The following PTPRM variants were observed in gnomAD, a reference collection of about 807,000 sequenced individuals.
The protein encoded by PTPRM is receptor-type tyrosine-protein phosphatase mu.
In PTPRM, 47 loss-of-function variants were observed where a neutral mutation model predicts 186.7. The observed-to-expected ratio is 0.25, with a 90% confidence interval of 0.20 to 0.32. The LOEUF is 0.32. PTPRM is among the 10% of genes least tolerant of loss of function. The probability of loss-of-function intolerance (pLI) is 1.00; values close to 1 mark genes in which losing one functional copy is unlikely to be tolerated. For missense variants in PTPRM, 1,494 were observed against 1,865.0 expected (o/e 0.80, Z 3.66); for synonymous variants, 668 against 674.9 (o/e 0.99, Z 0.16).
intron 14 of PTPRM, among the ~76,000 whole-genome samples, chr18:8,156,579 T>C (rs2093126218): frequency 6.6e-6 from 1 of 152,182 alleles, no homozygotes. Context: ...CCAGGGCACG[T>C]AGGTAGTCCG....
At chr18:8,356,387 G>A (rs2095563381) in intron 23 of PTPRM, among the ~76,000 whole-genome samples, 1 of 152,218 alleles carries the variant, frequency 6.6e-6, no homozygotes, top group African/African-American at 2.4e-5. Context: ...CAGGGAGCCA[G>A]GAGGGAAGGG....
chr18:7,840,287 C>T (rs1372260072), intron 2 of PTPRM, among the ~76,000 whole-genome samples: 3 of 152,180 alleles, frequency 2.0e-5, no homozygotes, highest in Admixed American at 1.3e-4. Flanking sequence ...GACCATCCTT[C>T]TCTGCCCCCT....
intron 2 of PTPRM, among the ~76,000 whole-genome samples, chr18:7,879,135 T>C (rs2048376158): frequency 6.6e-6 from 1 of 152,246 alleles, no homozygotes; most frequent in Non-Finnish European, 1.5e-5. Context: ...AATTTAGTTC[T>C]CATTAAAGCT....
At chr18:7,884,924 C>CAAAAAAA (rs56724615) in intron 2 of PTPRM, among the ~76,000 whole-genome samples, 8 of 37,844 alleles carry the variant, frequency 2.1e-4, no homozygotes, top group African/African-American at 2.6e-4. Flanking sequence ...AGCTCCATCT[C>CAAAAAAA]AAAAAAAAAA....
intron 14 of PTPRM, among the ~76,000 whole-genome samples, chr18:8,176,155 C>A (rs1432831252): frequency 6.6e-6 from 1 of 152,080 alleles, no homozygotes; most frequent in Non-Finnish European, 1.5e-5. Context: ...AGGGAAAATT[C>A]ATCCAGTATT....
intron 9 of PTPRM, among the ~76,000 whole-genome samples, chr18:8,079,581 A>G (rs978335430): frequency 6.6e-6 from 1 of 152,078 alleles, no homozygotes; most frequent in Admixed American, 6.6e-5. Flanking sequence ...ATATTATCAA[A>G]CCCAGCATTT....
intron 14 of PTPRM, among the ~76,000 whole-genome samples, chr18:8,227,217 T>C (rs2094224503): frequency 6.6e-6 from 1 of 152,200 alleles, no homozygotes; most frequent in African/African-American, 2.4e-5. Context: ...GATTAGTAGG[T>C]GGATGCCTTC....
intron 23 of PTPRM, 90 bp downstream of exon 23, chr18:8,343,610 A>T: frequency 1.2e-5 from 13 of 1,125,126 alleles, no homozygotes; most frequent in Non-Finnish European, 1.7e-5. Flanking sequence ...TTGAACTATT[A>T]TGTGTACTCC....
chr18:7,634,444 A>G (rs976873210), intron 1 of PTPRM, among the ~76,000 whole-genome samples: 1 of 152,202 alleles, frequency 6.6e-6, no homozygotes, highest in Admixed American at 6.5e-5. Flanking sequence ...CAGTTATACC[A>G]TGGCTATGTC....
rs536967183 is a variant in PTPRM, at chr18:7,952,099, C to G, written c.838+2744C>G. Among the ~76,000 whole-genome samples the G allele has an allele frequency of 3.3e-5, 5 of 152,268 alleles. No homozygotes were observed. The South Asian group carries it at 1.0e-3, about 32-fold the overall frequency. ...TGCATGTATATATGCATATATATATCAATACCCTATTTAGTTACGTTTCTA... is the reference window on the plus strand; with the variant it reads ...TGCATGTATATATGCATATATATATGAATACCCTATTTAGTTACGTTTCTA... On this transcript the variant is annotated intron_variant, in intron 6 of 32. Coordinates refer to ENST00000580170, the MANE Select transcript of PTPRM (RefSeq NM_001105244.2).
chr18:8,058,918 G>A (rs2088241784), intron 7 of PTPRM, among the ~76,000 whole-genome samples: 1 of 79,182 alleles, frequency 1.3e-5, no homozygotes, highest in South Asian at 4.5e-4. Context: ...TTTTGGCTTA[G>A]GATTGACTTG....
At chr18:7,858,280 G>A (rs146307958) in intron 2 of PTPRM, among the ~76,000 whole-genome samples, 1 of 152,276 alleles carries the variant, frequency 6.6e-6, no homozygotes, top group East Asian at 1.9e-4. Context: ...TTCTGGGCTG[G>A]GTAAGGTGGC....
intron 1 of PTPRM, among the ~76,000 whole-genome samples, chr18:7,719,825 C>T (rs181664753): frequency 4.0e-4 from 61 of 152,218 alleles, no homozygotes; most frequent in African/African-American, 1.4e-3. Context: ...ACAGATGATA[C>T]TAGAAAATCC....
At chr18:7,897,005 G>A (rs777910675) in intron 3 of PTPRM, among the ~76,000 whole-genome samples, 14 of 152,182 alleles carry the variant, frequency 9.2e-5, no homozygotes, top group Non-Finnish European at 1.5e-4. Context: ...CAGCAGGCCC[G>A]CATACATTTG....
At chr18:7,945,205 G>C (rs1405572895) in intron 5 of PTPRM, among the ~76,000 whole-genome samples, 4 of 151,536 alleles carry the variant, frequency 2.6e-5, no homozygotes, top group African/African-American at 9.7e-5. Flanking sequence ...TGTAATCCCA[G>C]CACTTTGGGA....
intron 14 of PTPRM, among the ~76,000 whole-genome samples, chr18:8,178,923 G>A (rs1041321129): frequency 1.3e-5 from 2 of 152,174 alleles, no homozygotes; most frequent in African/African-American, 4.8e-5. Flanking sequence ...TATGAGTTGG[G>A]TACATTCCTC....
intron 1 of PTPRM, among the ~76,000 whole-genome samples, chr18:7,594,110 A>G (rs1354743134): frequency 4.6e-5 from 7 of 152,218 alleles, no homozygotes; most frequent in Admixed American, 3.9e-4. Flanking sequence ...AGCAGTACAC[A>G]TTTTTTATTG....
Position 8,077,170 on chromosome 18 carries a change from T to A in PTPRM, c.1551+606T>A, listed in dbSNP as rs1025165454. On this transcript the variant is annotated intron_variant, in intron 9 of 32. Transcript: ENST00000580170. ...ACAGGGTGACATTCATCATCACATC[T>A]GTGCAAGCATCATTTCACTATGCCT... 2.0e-5 allele frequency among the ~76,000 whole-genome samples: 3 copies of A among 152,198 alleles called. No individual in the cohort carries two copies. The East Asian group carries it at 5.8e-4, about 29-fold the overall frequency.
At chr18:8,249,044 G>A (rs963327042) in intron 17 of PTPRM, among the ~76,000 whole-genome samples, 2 of 152,136 alleles carry the variant, frequency 1.3e-5, no homozygotes, top group African/African-American at 2.4e-5. Context: ...TCACGGCTGT[G>A]TTCTCTTTCT....
Sources: gnomAD v4.1 joint callset for allele counts (sites outside exome capture counted in the v4.1 genomes callset) on GRCh38, gnomAD v4.1.1 for gene constraint, MANE v1.5 for transcripts, NCBI Gene and HGNC (gene_info 2026-07-23, HGNC 2026-07-21) for gene names.